The following FRMPD1 variants were observed in gnomAD, a reference collection of about 807,000 sequenced individuals.
FRMPD1 encodes FERM and PDZ domain-containing protein 1.
FRMPD1 carries 76 observed loss-of-function variants against 117.8 expected under a neutral mutation model. The observed-to-expected ratio is 0.65, with a 90% CI of 0.54 to 0.78. The LOEUF (loss-of-function observed/expected upper bound fraction) is 0.78, where lower values mean the gene tolerates loss of function less well. Ranked by LOEUF, FRMPD1 falls within the 30% of genes least tolerant of loss-of-function variation. The pLI is 0.00. For missense variants in FRMPD1, 1,786 were observed against 1,964.5 expected (o/e 0.91, Z 1.72); for synonymous variants, 783 against 770.4 (o/e 1.02, Z -0.27).
chr9:37,740,479 GAAACC>G lies in FRMPD1; in HGVS notation c.1953_1957del (p.Thr652TrpfsTer47). On this transcript the variant is annotated frameshift_variant, in exon 15 of 16. Coordinates refer to ENST00000377765, the MANE Select transcript of FRMPD1 (RefSeq NM_014907.3). LOFTEE classifies it high-confidence loss of function. This position sits in a 1 kb window ranked among gnomAD's most constrained non-coding sequence, Gnocchi z 4.2. ...CAGCCAGGAGGAGAGAAGCGGGATTGAAACCAGTGGCTTCCTCTGTCTCCTGGACC... is the reference window on the plus strand; with the variant it reads ...CAGCCAGGAGGAGAGAAGCGGGATTGAGTGGCTTCCTCTGTCTCCTGGACC... 6.2e-7 allele frequency: 1 copy of G among 1,614,184 alleles called. No homozygotes were observed. Among genetic ancestry groups the G allele is most frequent in the Non-Finnish European group, 8.5e-7 (1 of 1,180,028 alleles).
At chr9:37,659,831 C>T (rs574119602) in intron 1 of FRMPD1, among the ~76,000 whole-genome samples, 12 of 150,612 alleles carry the variant, frequency 8.0e-5, no homozygotes, top group Middle Eastern at 3.4e-3. Flanking sequence ...GGCTTCTGGG[C>T]TCTCCAAATG....
In FRMPD1 at chr9:37,699,171, C is replaced by A. The variant is rs1466776486; in HGVS notation, c.101+6429C>A. On this transcript the variant is annotated intron_variant, in intron 2 of 15. Coordinates refer to ENST00000377765, the MANE Select transcript of FRMPD1 (RefSeq NM_014907.3). The stretch of plus-strand genomic sequence containing the variant: ...ACAGGCGTGAGCCACCGTGACCAGC[C>A]TCATTACCTATTAAACTAAGCTTTT... 5.3e-5 allele frequency among the ~76,000 whole-genome samples: 8 copies of A among 152,068 alleles called. 1 individual carries two copies. Among genetic ancestry groups the A allele is most frequent in the African/African-American group, 1.9e-4 (8 of 41,386 alleles).
At chr9:37,615,505 G>T in the FRMPD1 span, among the ~76,000 whole-genome samples, 1 of 152,004 alleles carries the variant, frequency 6.6e-6, no homozygotes, top group Non-Finnish European at 1.5e-5. Context: ...AAGTGGTCCC[G>T]GTCTGAGAAC....
the FRMPD1 span, among the ~76,000 whole-genome samples, chr9:37,638,021 T>TTTCC: frequency 1.8e-5 from 2 of 109,706 alleles, 1 homozygote; most frequent in South Asian, 6.1e-4. Context: ...TCTTTCTTTC[T>TTTCC]TTCTCTCTCT....
At chr9:37,626,366 G>A in the FRMPD1 span, among the ~76,000 whole-genome samples, 3 of 150,860 alleles carry the variant, frequency 2.0e-5, no homozygotes, top group Non-Finnish European at 4.4e-5. Context: ...TTAGCTGGGC[G>A]TTGTGGCACG....
At chr9:37,707,672 A>G (rs1245351882) in intron 3 of FRMPD1, 99 bp downstream of exon 3, 2 of 1,011,802 alleles carry the variant, frequency 2.0e-6, no homozygotes, top group Non-Finnish European at 3.0e-6. Context: ...AATGCAGAAA[A>G]TCCTACCTGG....
chr9:37,728,013 TCA>T (rs1485434535), intron 7 of FRMPD1: 1 of 152,272 alleles, frequency 6.6e-6, no homozygotes, highest in Non-Finnish European at 1.5e-5. Context: ...GCCCACATCC[TCA>T]GAGAGTTTAA....
upstream of FRMPD1, among the ~76,000 whole-genome samples, chr9:37,650,830 G>C (rs1041737337): frequency 6.7e-6 from 1 of 148,846 alleles, no homozygotes; most frequent in African/African-American, 2.4e-5. Context: ...CTCCTCCCCC[G>C]GGGCGGGGGT....
At chr9:37,717,379 A>AT (rs1479937581) in intron 5 of FRMPD1, among the ~76,000 whole-genome samples, 25 of 113,898 alleles carry the variant, frequency 2.2e-4, no homozygotes, top group African/African-American at 7.4e-4. Flanking sequence ...GTATATATAT[A>AT]TATTTTTTTT....
chr9:37,630,516 G>T, the FRMPD1 span, among the ~76,000 whole-genome samples: 2 of 152,184 alleles, frequency 1.3e-5, no homozygotes, highest in East Asian at 3.9e-4. Flanking sequence ...GAGTAGCTGG[G>T]ATTACAGGCT....
At chr9:37,684,483 C>CA (rs908982963) in intron 1 of FRMPD1, among the ~76,000 whole-genome samples, 1 of 152,100 alleles carries the variant, frequency 6.6e-6, no homozygotes, top group African/African-American at 2.4e-5. Context: ...GAAGGGGAAC[C>CA]ACTGGGGGAT....
At chr9:37,736,176 AT>A (rs1388690361) in intron 13 of FRMPD1, among the ~76,000 whole-genome samples, 3 of 151,356 alleles carry the variant, frequency 2.0e-5, no homozygotes, top group East Asian at 4.0e-4. Flanking sequence ...AATGTTTTGT[AT>A]TTTTTCGTAG....
At chr9:37,732,209 C>T (rs1289100113) in intron 9 of FRMPD1, 95 bp from the exon 10 acceptor site, 47 of 1,321,666 alleles carry the variant, frequency 3.6e-5, no homozygotes, top group South Asian at 2.5e-4. Context: ...GCTCTCAAAG[C>T]GGAGCTCCTG....
the FRMPD1 span, among the ~76,000 whole-genome samples, chr9:37,634,224 C>T: frequency 6.6e-6 from 1 of 152,270 alleles, no homozygotes; most frequent in Middle Eastern, 3.4e-3. Flanking sequence ...GATTTAACTG[C>T]TTTTGTTGTT....
At chr9:37,645,432 A>G in the FRMPD1 span, among the ~76,000 whole-genome samples, 23 of 152,378 alleles carry the variant, frequency 1.5e-4, no homozygotes, top group East Asian at 3.9e-3. Flanking sequence ...GAAAAGAAAT[A>G]TAAGCAGACA....
chr9:37,729,700 A>G (rs1823777411), intron 7 of FRMPD1, 28 bp from the exon 8 acceptor site: 10 of 1,611,040 alleles, frequency 6.2e-6, no homozygotes, highest in Non-Finnish European at 7.6e-6. Context: ...TTTCTTGCGT[A>G]ACTCCTGCAC....
chr9:37,650,255 C>T (rs1039083527), upstream of FRMPD1, among the ~76,000 whole-genome samples: 2 of 152,076 alleles, frequency 1.3e-5, no homozygotes, highest in African/African-American at 4.8e-5. Context: ...AGGACCAGAA[C>T]CAGGGGAGTG....
intron 7 of FRMPD1, among the ~76,000 whole-genome samples, chr9:37,725,071 GCAGAGAGC>G (rs1410215630): frequency 6.6e-6 from 1 of 152,208 alleles, no homozygotes; most frequent in Non-Finnish European, 1.5e-5. Context: ...GTGAACTAAT[GCAGAGAGC>G]CAGAAAAATG....
chr9:37,650,791 C>T (rs1407342726), upstream of FRMPD1, among the ~76,000 whole-genome samples: 1 of 151,016 alleles, frequency 6.6e-6, no homozygotes, highest in African/African-American at 2.4e-5. Flanking sequence ...GGGCCGGGAC[C>T]TCGGAGCCAG....
Sources: gnomAD v4.1 joint callset for allele counts (sites outside exome capture counted in the v4.1 genomes callset) on GRCh38, gnomAD v4.1.1 for gene constraint, Gnocchi (gnomAD v3.1) non-coding constraint, MANE v1.5 for transcripts, NCBI Gene and HGNC (gene_info 2026-07-23, HGNC 2026-07-21) for gene names.